Variants in TTN observed in about 807,000 individuals in gnomAD.
TTN encodes the protein connectin.
Under a neutral mutation model 3,223.0 loss-of-function variants are expected in TTN, and 1,525 were observed. The ratio of observed to expected loss-of-function variants is 0.47; its 90% CI spans 0.45 to 0.49. TTN has a LOEUF of 0.49. TTN is among the 20% of genes least tolerant of loss of function. The pLI is 0.00. For missense variants in TTN, 40,786 were observed against 43,424.0 expected (o/e 0.94, Z 5.40); for synonymous variants, 14,094 against 15,161.0 (o/e 0.93, Z 5.17).
In TTN at chr2:178,705,212, G is replaced by C; in HGVS notation, c.29566C>G (p.Leu9856Val). Residue 9856 changes from leucine to valine, a missense_variant, in exon 103 of 363, where the codon CTG becomes GTG. Leu to Val is a conservative substitution (Grantham distance 32). Coordinates refer to ENST00000589042, the MANE Select transcript of TTN (RefSeq NM_001267550.2). ...TCTTCTTCTTGGCTTTGCTTGAGCA[G>C]TTCAAATGCTTGAAGAAGACCTCGG... The part of the protein sequence containing the change: ...DFRGLLQAFE[L>V]LKQSQEEETH... 1 of 1,613,750 alleles carries C rather than the reference G, an allele frequency of 6.2e-7. No individual in the cohort carries two copies. Among genetic ancestry groups the C allele is most frequent in the Non-Finnish European group, 8.5e-7 (1 of 1,179,724 alleles).
chr2:178,761,027 G>C (rs1167514332), intron 43 of TTN: 1 of 152,224 alleles, frequency 6.6e-6, no homozygotes, highest in African/African-American at 2.4e-5. Flanking sequence ...GAGTTAACAG[G>C]TAAAACTTTT....
In TTN at chr2:178,555,091, T is replaced by G. The variant is rs1433276032; in HGVS notation, c.88368A>C (p.Thr29456=). Residue 29456 remains threonine (T), a synonymous_variant, in exon 331 of 363, where the codon ACA becomes ACC. Coordinates refer to ENST00000589042, the MANE Select transcript of TTN (RefSeq NM_001267550.2). ...YTEVVKYRAG[T]SVKLRAGISG... ...AAATGCCAGCTCTGAGCTTCACAGA[T>G]GTACCTGCTCTGTATTTGACAACTT... 5.6e-6 allele frequency: 9 copies of G among 1,613,742 alleles called. No individual in the cohort carries two copies. Among genetic ancestry groups the G allele is most frequent in the South Asian group, 5.5e-5 (5 of 91,082 alleles).
At chr2:178,760,848 G>GGTGTGTGTGTGTGTGTGT (rs3045724) in intron 43 of TTN, 39 of 145,572 alleles carry the variant, frequency 2.7e-4, no homozygotes, top group African/African-American at 9.9e-4. Context: ...TGTGTGAAGG[G>GGTGTGTGTGTGTGTGTGT]GTGTGTGTGT....
intron 47 of TTN, chr2:178,749,835 C>A (rs1385432956): frequency 6.2e-7 from 1 of 1,613,164 alleles, no homozygotes; most frequent in Non-Finnish European, 8.5e-7. Context: ...CATGTTACAA[C>A]TGGCTGGGGC....
chr2:178,776,709 G>A lies in TTN; in HGVS notation c.5155C>T (p.Pro1719Ser), dbSNP rs1381415747. ...GTTAGCCTGCATTCAAAGTGGGCAGGCCCAAAGCGCTTAAGTCTTAAGGAA... is the reference window on the plus strand; with the variant it reads ...GTTAGCCTGCATTCAAAGTGGGCAGACCCAAAGCGCTTAAGTCTTAAGGAA... ...LTSLRLKRFG[P>S]AHFECRLTPI... Residue 1719 changes from proline (P) to serine (S), a missense_variant, in exon 28 of 363, where the codon CCT (proline) becomes TCT (serine). Physicochemically the swap from Pro to Ser is moderately conservative, Grantham distance 74. Coordinates refer to ENST00000589042, the MANE Select transcript of TTN (RefSeq NM_001267550.2). The A allele has an allele frequency of 1.2e-6, 2 of 1,614,096 alleles. No homozygotes were observed. The highest frequency in any genetic ancestry group is 1.7e-6 in the Non-Finnish European group (2 of 1,180,012).
chr2:178,780,664 T>C (rs935849327), intron 21 of TTN, among the ~76,000 whole-genome samples: 3 of 152,214 alleles, frequency 2.0e-5, no homozygotes, highest in Non-Finnish European at 4.4e-5. Context: ...GTTATAAACA[T>C]TGAAAATCCT....
chr2:178,757,227 A>ATACTGTACTTGCTTTAAAGTACAGTAAG (rs1553968975), intron 45 of TTN, among the ~76,000 whole-genome samples: 1 of 150,194 alleles, frequency 6.7e-6, no homozygotes, highest in Non-Finnish European at 1.5e-5. Context: ...ACAGTAAGTA[A>ATACTGTACTTGCTTTAAAGTACAGTAAG]TAATCAGCAA....
Position 178,561,356 on chromosome 2 carries a change from G to A in TTN, c.84776C>T (p.Pro28259Leu). ...TTTTCTTGTGATATTTGTGACTTCA[G>A]GTTGTCCAGGAGGGTCACAAGGATC... is the stretch of plus-strand genomic sequence containing the variant. ...ARDPCDPPGQ[P>L]EVTNITRKSV... Residue 28259 changes from proline (P) to leucine (L), a missense_variant, in exon 326 of 363, where the codon CCT becomes CTT. Transcript: ENST00000589042. 1 of 1,613,794 alleles carries A rather than the reference G, an allele frequency of 6.2e-7. No individual in the cohort carries two copies. Among genetic ancestry groups the A allele is most frequent in the Non-Finnish European group, 8.5e-7 (1 of 1,179,794 alleles).
Position 178,532,625 on chromosome 2 carries a change from G to C in TTN, c.103990C>G (p.Leu34664Val), listed in dbSNP as rs775633719. 5.0e-6 allele frequency: 8 copies of C among 1,613,962 alleles called. No individual in the cohort carries two copies. In the South Asian group the frequency reaches 5.5e-5, roughly 11 times the overall value. Reference sequence around the variant, plus strand: ...GCTAAGTAGTCATCAATGGGGAGGAGTAATTCTTCATCAGAGATGTCCCCA... The same window carrying C: ...GCTAAGTAGTCATCAATGGGGAGGACTAATTCTTCATCAGAGATGTCCCCA... ...SLGDISDEEL[L>V]LPIDDYLAMK... The change falls in exon 358 of 363, where the codon CTC becomes GTC. Residue 34664 changes from leucine (L) to valine (V), a missense_variant. By Grantham distance (32) the Leu-to-Val change is conservative. Transcript: ENST00000589042.
intron 292 of TTN, 122 bp from the exon 293 acceptor site, chr2:178,598,180 G>T: frequency 8.3e-7 from 1 of 1,211,058 alleles, no homozygotes; most frequent in Non-Finnish European, 1.1e-6. Flanking sequence ...ATTGTTGCTG[G>T]TTTAGGTTTT....
In TTN at chr2:178,679,688, A is replaced by G. The variant is rs796734327; in HGVS notation, c.33581-6T>C. ...TTTCCTGGGTACCTCAGGCACTTTA[A>G]AGATATTATTAAGAATGTTGGAAAT... On this transcript the variant is annotated splice_region_variant and splice_polypyrimidine_tract_variant and intron_variant, in intron 140 of 362. Coordinates refer to ENST00000589042, the MANE Select transcript of TTN (RefSeq NM_001267550.2). 8.7e-6 allele frequency: 14 copies of G among 1,603,428 alleles called. No individual in the cohort carries two copies. Among genetic ancestry groups the G allele is most frequent in the Non-Finnish European group, 1.2e-5 (14 of 1,176,420 alleles).
chr2:178,677,657 G>A lies in TTN; in HGVS notation c.34255C>T (p.Pro11419Ser). The A allele has an allele frequency of 6.2e-7, 1 of 1,611,904 alleles. No individual in the cohort carries two copies. The highest frequency in any genetic ancestry group is 8.5e-7 in the Non-Finnish European group (1 of 1,178,768). ...ACTGGCACCTTAGGTTTAACTTCTG[G>A]AAGGACTTCTTCTTCAGGTACAAAT... is the stretch of plus-strand genomic sequence containing the variant. ...EEFVPEEEVL[P>S]EVKPKVPVPA... Residue 11419 changes from proline (P) to serine (S), a missense_variant, in exon 146 of 363, where the codon CCA becomes TCA. Coordinates refer to ENST00000589042, the MANE Select transcript of TTN (RefSeq NM_001267550.2).
Position 178,573,891 on chromosome 2 carries a change from C to G in TTN, c.72241G>C (p.Ala24081Pro). 1 of 1,611,222 alleles carries G rather than the reference C, an allele frequency of 6.2e-7. No homozygotes were observed. Among genetic ancestry groups the G allele is most frequent in the Admixed American group, 1.7e-5 (1 of 59,880 alleles). ...EGTAKLEIKIADFSTNLVNKD... is the reference protein window; with the variant it reads ...EGTAKLEIKIPDFSTNLVNKD... The stretch of plus-strand genomic sequence containing the variant: ...TTTACCAGATTAGTAGAGAAATCTG[C>G]AATTTTTATTTCTAACTTTGCTGTG... Residue 24081 changes from alanine (A) to proline (P), a missense_variant, in exon 326 of 363, where the codon GCA becomes CCA. Physicochemically the swap from Ala to Pro is conservative, Grantham distance 27 (BLOSUM62 -1). Coordinates refer to ENST00000589042, the MANE Select transcript of TTN (RefSeq NM_001267550.2).
rs1350114352 is a variant in TTN, at chr2:178,582,278, A to G, written c.66160+18T>C. ...ATTTTAAAAAATAAAATGAAAAACC[A>G]CCGGGAAATGTTCCTACCATATGGG... On this transcript the variant is annotated intron_variant, in intron 314 of 362. Transcript: ENST00000589042. 2 of 1,577,208 alleles carry G rather than the reference A, an allele frequency of 1.3e-6. No individual in the cohort carries two copies. The highest frequency in any genetic ancestry group is 4.1e-5 in the Admixed American group (2 of 48,664).
rs1170577745 is a variant in TTN, at chr2:178,593,098, TAAA to T, written c.59036-18_59036-16del. ...ACTTGGTTTAGCTAAAAAATAAAAG[TAAA>T]AAACGAATTAGCATATAGCTGAAAA... On this transcript the variant is annotated splice_polypyrimidine_tract_variant and intron_variant, in intron 299 of 362. Transcript: ENST00000589042. 4.3e-6 allele frequency: 7 copies of T among 1,610,720 alleles called. No individual in the cohort carries two copies. The highest frequency in any genetic ancestry group is 1.3e-5 in the African/African-American group (1 of 74,678).
At chr2:178,671,065 T>G (rs1324581309) in intron 156 of TTN, 25 bp downstream of exon 156, 1 of 1,573,424 alleles carries the variant, frequency 6.4e-7, no homozygotes. Flanking sequence ...TAAAGTTAAG[T>G]AGTAATTTTT....
rs761148844 is a variant in TTN, at chr2:178,612,067, G to T, written c.50344C>A (p.Pro16782Thr). Residue 16782 changes from proline (P) to threonine (T), a missense_variant, in exon 267 of 363, where the codon CCA becomes ACA. Coordinates refer to ENST00000589042, the MANE Select transcript of TTN (RefSeq NM_001267550.2). ...WEPPKNDGGR[P>T]IQRYVIEKKE... Reference sequence around the variant, plus strand: ...TAATTCAAATTCTACCTCTGTATTGGTCTTCCACCATCATTTTTAGGTGGC... The same window carrying T: ...TAATTCAAATTCTACCTCTGTATTGTTCTTCCACCATCATTTTTAGGTGGC... 6.2e-7 allele frequency: 1 copy of T among 1,610,530 alleles called. No individual in the cohort carries two copies. The highest frequency in any genetic ancestry group is 8.5e-7 in the Non-Finnish European group (1 of 1,178,442).
intron 146 of TTN, 131 bp downstream of exon 146, chr2:178,677,490 G>A: frequency 1.0e-6 from 1 of 970,640 alleles, no homozygotes; most frequent in Non-Finnish European, 1.5e-6. Context: ...TGTCTGGAAT[G>A]TTTTCTAAGA....
Position 178,682,714 on chromosome 2 carries a change from T to C in TTN, c.33077A>G (p.His11026Arg), listed in dbSNP as rs1181321708. The change falls in exon 135 of 363, where the codon CAT becomes CGT. Residue 11026 changes from histidine (H) to arginine (R), a missense_variant. Coordinates refer to ENST00000589042, the MANE Select transcript of TTN (RefSeq NM_001267550.2). ...GCTCATACCTGTGATGTATTCTTCA[T>C]GCTCTTCATATCGTTCATACTCCCG... is the stretch of plus-strand genomic sequence containing the variant. ...EEREYERYEE[H>R]EEYITEPEKP... 1 of 1,612,204 alleles carries C rather than the reference T, an allele frequency of 6.2e-7. No homozygotes were observed. Among genetic ancestry groups the C allele is most frequent in the South Asian group, 1.1e-5 (1 of 90,636 alleles).
Sources: allele counts gnomAD v4.1 joint callset (sites outside exome capture counted in the v4.1 genomes callset), GRCh38; gene constraint gnomAD v4.1.1; transcripts MANE v1.5; gene names NCBI Gene and HGNC (gene_info 2026-07-23, HGNC 2026-07-21).